The following NECTIN1 variants were observed in gnomAD, a reference collection of about 807,000 sequenced individuals.
The protein encoded by NECTIN1 is nectin-1.
NECTIN1 carries 23 observed loss-of-function variants against 48.0 expected under a neutral mutation model. The ratio of observed to expected loss-of-function variants is 0.48; its 90% CI spans 0.34 to 0.68. The LOEUF (loss-of-function observed/expected upper bound fraction) is 0.68, where lower values mean the gene tolerates loss of function less well. Ranked by LOEUF, NECTIN1 falls within the 30% of genes least tolerant of loss-of-function variation. The probability of loss-of-function intolerance (pLI) is 0.01; values close to 1 mark genes in which losing one functional copy is unlikely to be tolerated. For synonymous variants in NECTIN1, 270 were observed against 288.9 expected, an observed-to-expected ratio of 0.93 and a Z score of 0.66; for missense variants, 591 against 709.9, an observed-to-expected ratio of 0.83 and a Z score of 1.90.
At chr11:119,702,218 C>T (rs748241804) in intron 1 of NECTIN1, among the ~76,000 whole-genome samples, 2 of 152,226 alleles carry the variant, frequency 1.3e-5, no homozygotes, top group Non-Finnish European at 2.9e-5. Flanking sequence ...ACTCACCTCT[C>T]CAGCAGCTCT....
chr11:119,648,144 G>A (rs994790692), intron 5 of NECTIN1, among the ~76,000 whole-genome samples: 28 of 145,454 alleles, frequency 1.9e-4, no homozygotes, highest in African/African-American at 5.3e-4. Flanking sequence ...GGCACTGAGC[G>A]GCGCCCAGAA....
intron 7 of NECTIN1, chr11:119,638,273 C>A: frequency 2.5e-6 from 4 of 1,613,430 alleles, no homozygotes; most frequent in Non-Finnish European, 3.4e-6. Flanking sequence ...GTGAGTGCTG[C>A]ACAGACCTTT....
intron 1 of NECTIN1, among the ~76,000 whole-genome samples, chr11:119,685,029 G>A (rs1051111528): frequency 4.6e-5 from 7 of 152,218 alleles, no homozygotes; most frequent in African/African-American, 1.7e-4. Context: ...CCCAGTTCTT[G>A]TCCTGGTGCT....
At chr11:119,681,985 T>C (rs1176994047) in intron 1 of NECTIN1, among the ~76,000 whole-genome samples, 2 of 152,102 alleles carry the variant, frequency 1.3e-5, no homozygotes, top group African/African-American at 2.4e-5. Flanking sequence ...CTTAGGGTCA[T>C]TGAGGGTGGG....
downstream of NECTIN1, among the ~76,000 whole-genome samples, chr11:119,656,976 G>C (rs540142321): frequency 1.7e-4 from 26 of 152,282 alleles, no homozygotes; most frequent in African/African-American, 4.6e-4. Context: ...GCGCCTATAG[G>C]TGGTCTAAAC....
intron 5 of NECTIN1, among the ~76,000 whole-genome samples, chr11:119,644,362 A>G (rs767982835): frequency 2.0e-4 from 31 of 152,114 alleles, no homozygotes; most frequent in Non-Finnish European, 3.5e-4. Flanking sequence ...TTTGGGTCAC[A>G]CCCAAGTAGC....
intron 5 of NECTIN1, among the ~76,000 whole-genome samples, chr11:119,643,463 G>C (rs1483462776): frequency 6.6e-6 from 1 of 152,242 alleles, no homozygotes; most frequent in East Asian, 1.9e-4. Flanking sequence ...GAGGGCACTG[G>C]GATCTGCGCC....
At chr11:119,653,758 G>T (rs1344353961) in intron 5 of NECTIN1, among the ~76,000 whole-genome samples, 1 of 152,200 alleles carries the variant, frequency 6.6e-6, no homozygotes, top group Non-Finnish European at 1.5e-5. Context: ...GTCTGTTCTA[G>T]GTGTTCTGTT....
intron 1 of NECTIN1, among the ~76,000 whole-genome samples, chr11:119,715,646 G>A (rs1385949288): frequency 6.6e-6 from 1 of 152,188 alleles, no homozygotes; most frequent in Non-Finnish European, 1.5e-5. Flanking sequence ...ATGAGCCACT[G>A]TGCCCAGTGG....
rs1258740865 is a variant in NECTIN1, at chr11:119,677,633, C to A, written c.655G>T (p.Ala219Ser). 6.2e-7 allele frequency: 1 copy of A among 1,613,886 alleles called. No homozygotes were observed. The highest frequency in any genetic ancestry group is 8.5e-7 in the Non-Finnish European group (1 of 1,180,020). The change falls in exon 3 of 6, where the codon GCC becomes TCC. Residue 219 changes from alanine to serine, a missense_variant. Ala to Ser is a moderately conservative substitution (Grantham distance 99). Coordinates refer to ENST00000264025, the MANE Select transcript of NECTIN1 (RefSeq NM_002855.5). This position sits in a 1 kb window ranked among gnomAD's most constrained non-coding sequence, Gnocchi z 5.4. ...SRYRLVPSRE[A>S]HQQSLACIVN... is the part of the protein sequence containing the mutation. ...ATGCAGGCCAAGGACTGCTGGTGGG[C>A]TTCCCTGCTGGGCACCAGGCGGTAG...
In NECTIN1 at chr11:119,676,777, G is replaced by A. The variant is rs3817142; in HGVS notation, c.851+325C>T. The stretch of plus-strand genomic sequence containing the variant: ...CACCTTGATAAAAATAAATACTGGG[G>A]GGTTGGGGTGGGAGTGACTCAGACT... On this transcript the variant is annotated intron_variant, in intron 4 of 5. Coordinates refer to ENST00000264025, the MANE Select transcript of NECTIN1 (RefSeq NM_002855.5). The A allele has an allele frequency of 6.4e-3, 2,557 of 400,338 alleles. 87 individuals are homozygous for A. Among genetic ancestry groups the A allele is most frequent in the East Asian group, 0.059 (1,017 of 17,248 alleles). 24.8% of individuals were successfully genotyped at this position (400,338 alleles called of 1,614,324 possible). A position where few individuals can be genotyped will look rare whatever the true frequency, so the allele number is the denominator to read the frequency against.
intron 5 of NECTIN1, among the ~76,000 whole-genome samples, chr11:119,644,475 C>T (rs2135525958): frequency 6.6e-6 from 1 of 152,310 alleles, no homozygotes; most frequent in Non-Finnish European, 1.5e-5. Flanking sequence ...CCCAGACATC[C>T]AGCTTCACGG....
chr11:119,677,434 G>T lies in NECTIN1; in HGVS notation c.733+121C>A. On this transcript the variant is annotated intron_variant, in intron 3 of 5. Transcript: ENST00000264025. This position sits in a 1 kb window ranked among gnomAD's most constrained non-coding sequence, Gnocchi z 5.4. ...GAAAACGAGCAAAGGGAGGAGATAGGGGAGACAGGAGGGGAGAAGAAAGCA... is the reference window on the plus strand; with the variant it reads ...GAAAACGAGCAAAGGGAGGAGATAGTGGAGACAGGAGGGGAGAAGAAAGCA... 1 of 1,194,858 alleles carries T rather than the reference G, an allele frequency of 8.4e-7. No individual in the cohort carries two copies. Among genetic ancestry groups the T allele is most frequent in the South Asian group, 1.2e-5 (1 of 80,654 alleles). 74.0% of individuals were successfully genotyped at this position (1,194,858 alleles called of 1,614,324 possible).
chr11:119,685,331 C>T (rs774487341), intron 1 of NECTIN1, among the ~76,000 whole-genome samples: 32 of 152,318 alleles, frequency 2.1e-4, no homozygotes, highest in African/African-American at 6.7e-4. Flanking sequence ...GTGGAGCTGG[C>T]GCCCGGCGCC....
At chr11:119,687,564 T>C (rs547802838) in intron 1 of NECTIN1, among the ~76,000 whole-genome samples, 39 of 152,222 alleles carry the variant, frequency 2.6e-4, no homozygotes, top group African/African-American at 8.4e-4. Flanking sequence ...TGGATTTCCC[T>C]CGGCAAGTGT....
At chr11:119,653,977 T>G (rs1217614064) in intron 5 of NECTIN1, 2 of 152,230 alleles carry the variant, frequency 1.3e-5, no homozygotes, top group African/African-American at 4.8e-5. Flanking sequence ...AAGGGATTGA[T>G]CAAGGTCAGT....
Position 119,661,385 on chromosome 11 carries a change from C to T in NECTIN1, c.*3362G>A, listed in dbSNP as rs1211551659. 3.8e-5 allele frequency: 37 copies of T among 986,290 alleles called. No individual in the cohort carries two copies. Among genetic ancestry groups the T allele is most frequent in the Non-Finnish European group, 4.3e-5 (36 of 830,402 alleles). 61.1% of individuals were successfully genotyped at this position (986,290 alleles called of 1,614,324 possible). On this transcript the variant is annotated 3_prime_UTR_variant, in exon 6 of 6. Coordinates refer to ENST00000264025, the MANE Select transcript of NECTIN1 (RefSeq NM_002855.5). ...GTGGCAGCAGCAGAGGGGCCTGCCT[C>T]CTGGCATCCCCGGTACTGGGCAGTG...
rs1864673210 is a variant in NECTIN1 at position 119,661,891 on chromosome 11, G to C, written c.*2856C>G. 1.0e-6 allele frequency: 1 copy of C among 985,282 alleles called. No individual in the cohort carries two copies. The highest frequency in any genetic ancestry group is 1.7e-5 in the African/African-American group (1 of 57,186). The allele number at this position is 985,282 out of a possible 1,614,324, so 61.0% of individuals were successfully genotyped here. ...GTGGGTGTGTTGGAGGTGTGAGTGTGTCCACTGTGGGCACACGTACTGGGT... is the reference window on the plus strand; with the variant it reads ...GTGGGTGTGTTGGAGGTGTGAGTGTCTCCACTGTGGGCACACGTACTGGGT... On this transcript the variant is annotated 3_prime_UTR_variant, in exon 6 of 6. Transcript: ENST00000264025.
At chr11:119,714,359 A>G (rs547384269) in intron 1 of NECTIN1, among the ~76,000 whole-genome samples, 1 of 152,278 alleles carries the variant, frequency 6.6e-6, no homozygotes, top group South Asian at 2.1e-4. Context: ...CCACAGAGCC[A>G]CTGCACCATG....
Sources: gnomAD v4.1 joint callset for allele counts (sites outside exome capture counted in the v4.1 genomes callset) on GRCh38, gnomAD v4.1.1 for gene constraint, Gnocchi (gnomAD v3.1) non-coding constraint, MANE v1.5 for transcripts, NCBI Gene and HGNC (gene_info 2026-07-23, HGNC 2026-07-21) for gene names.